Variants in RNF146 observed in about 807,000 individuals in gnomAD.
RNF146 encodes the protein E3 ubiquitin-protein ligase RNF146.
In RNF146, 11 loss-of-function variants were observed where a neutral mutation model predicts 29.7. The ratio of observed to expected loss-of-function variants is 0.37; its 90% CI spans 0.23 to 0.61. The LOEUF (loss-of-function observed/expected upper bound fraction) is 0.61. Ranked by LOEUF, RNF146 falls within the 20% of genes least tolerant of loss-of-function variation. RNF146 has a pLI of 0.66. For synonymous variants in RNF146, 150 were observed against 159.7 expected (o/e 0.94, Z 0.46); for missense variants, 342 against 438.9 (o/e 0.78, Z 1.97).
intron 2 of RNF146, among the ~76,000 whole-genome samples, chr6:127,281,163 C>T (rs1460783156): frequency 6.6e-6 from 1 of 151,304 alleles, no homozygotes; most frequent in African/African-American, 2.4e-5. Context: ...TATGTATTAA[C>T]AATAATTAAT....
chr6:127,287,331 A>G lies in RNF146; in HGVS notation c.718A>G (p.Ser240Gly), dbSNP rs763075186. 1.9e-5 allele frequency: 31 copies of G among 1,613,498 alleles called. No homozygotes were observed. In the East Asian group the frequency reaches 3.1e-4, roughly 16 times the overall value. ...CCCTGCAACACCATCCCCTGATGCA[A>G]GCACTTCTCTGGAAGACTCTTTTGC... ...TSPATPSPDA[S>G]TSLEDSFAHL... Residue 240 changes from serine to glycine, a missense_variant, in exon 3 of 3, where the codon AGC (serine) becomes GGC (glycine). By Grantham distance (56) the Ser-to-Gly change is moderately conservative. Around this residue, in one of 6 missense-constraint regions of RNF146, gnomAD observed 196 missense variants for 208.9 expected, o/e 0.94. Coordinates refer to ENST00000368314, the MANE Select transcript of RNF146 (RefSeq NM_001242850.2).
At chr6:127,280,134 C>T in intron 1 of RNF146, 97 bp from the exon 2 acceptor site, 1 of 540,544 alleles carries the variant, frequency 1.8e-6, no homozygotes, top group Non-Finnish European at 3.3e-6. Context: ...TTAATTTTTC[C>T]CACTTTTAAG....
Position 127,286,421 on chromosome 6 carries a change from T to G in RNF146, c.3-195T>G. 1.5e-6 allele frequency: 1 copy of G among 676,692 alleles called. No individual in the cohort carries two copies. The highest frequency in any genetic ancestry group is 2.4e-6 in the Non-Finnish European group (1 of 418,014). 41.9% of individuals were successfully genotyped at this position (676,692 alleles called of 1,614,324 possible). ...GGAATTTTTATACATTCCCAAGGTA[T>G]GTACAAGTAGATGCTTACAAAAAAT... On this transcript the variant is annotated intron_variant, in intron 2 of 2. Coordinates refer to ENST00000368314, the MANE Select transcript of RNF146 (RefSeq NM_001242850.2). The surrounding 1 kb of genome is among the most constrained non-coding windows in gnomAD (Gnocchi z 4.6).
Position 127,286,400 on chromosome 6 carries a change from T to C in RNF146, c.3-216T>C, listed in dbSNP as rs550854283. ...TGATCTGTTAAGTGCACTGATGGAA[T>C]TTTTATACATTCCCAAGGTATGTAC... is the stretch of plus-strand genomic sequence containing the variant. On this transcript the variant is annotated intron_variant, in intron 2 of 2. Coordinates refer to ENST00000368314, the MANE Select transcript of RNF146 (RefSeq NM_001242850.2). The surrounding 1 kb of genome is among the most constrained non-coding windows in gnomAD (Gnocchi z 4.6). The C allele has an allele frequency of 1.2e-5, 8 of 645,522 alleles. No individual in the cohort carries two copies. Among genetic ancestry groups the C allele is most frequent in the Non-Finnish European group, 2.0e-5 (8 of 397,754 alleles). The allele number at this position is 645,522 out of a possible 1,614,324, so 40.0% of individuals were successfully genotyped here. A position where few individuals can be genotyped will look rare whatever the true frequency, so the allele number is the denominator to read the frequency against.
At chr6:127,268,189 G>C (rs1432468995) in intron 1 of RNF146, among the ~76,000 whole-genome samples, 1 of 152,146 alleles carries the variant, frequency 6.6e-6, no homozygotes, top group Non-Finnish European at 1.5e-5. Context: ...TGGCATTTCA[G>C]GTAGTGGGCA....
Position 127,286,438 on chromosome 6 carries a change from A to C in RNF146, c.3-178A>C. 1.4e-6 allele frequency: 1 copy of C among 732,588 alleles called. No homozygotes were observed. Among genetic ancestry groups the C allele is most frequent in the Non-Finnish European group, 2.1e-6 (1 of 465,794 alleles). 45.4% of individuals were successfully genotyped at this position (732,588 alleles called of 1,614,324 possible). A position where few individuals can be genotyped will look rare whatever the true frequency, so the allele number is the denominator to read the frequency against. ...CCAAGGTATGTACAAGTAGATGCTTACAAAAAATTTTCATCGGTTGGAGAG... is the reference window on the plus strand; with the variant it reads ...CCAAGGTATGTACAAGTAGATGCTTCCAAAAAATTTTCATCGGTTGGAGAG... On this transcript the variant is annotated intron_variant, in intron 2 of 2. Coordinates refer to ENST00000368314, the MANE Select transcript of RNF146 (RefSeq NM_001242850.2). The surrounding 1 kb of genome is among the most constrained non-coding windows in gnomAD (Gnocchi z 4.6).
chr6:127,274,397 A>T (rs966872524), intron 1 of RNF146, among the ~76,000 whole-genome samples: 1 of 152,126 alleles, frequency 6.6e-6, no homozygotes. Flanking sequence ...TGTTTCAGAG[A>T]TAAAATATTT....
rs117480106 is a variant in RNF146 at position 127,285,300 on chromosome 6, T to C, written c.3-1316T>C. The C allele has an allele frequency of 4.7e-4, 466 of 985,040 alleles. 3 individuals carry two copies. The East Asian group carries it at 0.034, about 71-fold the overall frequency. 61.0% of individuals were successfully genotyped at this position (985,040 alleles called of 1,614,324 possible). On this transcript the variant is annotated intron_variant, in intron 2 of 2. Transcript: ENST00000368314. ...AAAAAAGGATTGTTTGAAGATTGAA[T>C]GTGCTGTGATGATAGCCTAGGATTA...
At position 127,286,763 on chromosome 6, in the gene RNF146, G is replaced by T. The variant is rs1361908131; in HGVS notation, c.150G>T (p.Leu50=). The change falls in exon 3 of 3, where the codon CTG becomes CTT. Residue 50 remains leucine (L), a synonymous_variant. Transcript: ENST00000368314. The surrounding 1 kb of genome is among the most constrained non-coding windows in gnomAD (Gnocchi z 4.6). ...CLQTCVHPVS[L]PCKHVFCYLC... ...AAACATGTGTTCATCCAGTCAGTCT[G>T]CCCTGTAAGCACGTTTTCTGCTATC... The T allele has an allele frequency of 6.2e-7, 1 of 1,613,316 alleles. No homozygotes were observed. Among genetic ancestry groups the T allele is most frequent in the Admixed American group, 1.7e-5 (1 of 59,914 alleles).
chr6:127,285,207 G>C, intron 2 of RNF146: 1 of 984,882 alleles, frequency 1.0e-6, no homozygotes, highest in Non-Finnish European at 1.2e-6. Flanking sequence ...TCCTTTACTA[G>C]AAAATTGCCA....
rs1778759354 is a variant in RNF146, at chr6:127,280,278, G to A, written c.-61G>A. The A allele has an allele frequency of 6.5e-7, 1 of 1,527,252 alleles. No homozygotes were observed. Among genetic ancestry groups the A allele is most frequent in the Admixed American group, 2.0e-5 (1 of 50,828 alleles). 94.6% of individuals were successfully genotyped at this position (1,527,252 alleles called of 1,614,324 possible). A position where few individuals can be genotyped will look rare whatever the true frequency, so the allele number is the denominator to read the frequency against. On this transcript the variant is annotated 5_prime_UTR_variant, in exon 2 of 3. Coordinates refer to ENST00000368314, the MANE Select transcript of RNF146 (RefSeq NM_001242850.2). ...GAAGAGAAAATACTGTAAGCTGGCT[G>A]ACTGCTGGTGAAGAAAATGCTTTAT...
chr6:127,272,538 G>A (rs991789772), intron 1 of RNF146, among the ~76,000 whole-genome samples: 1 of 152,192 alleles, frequency 6.6e-6, no homozygotes. Context: ...TAGGGCTGCT[G>A]TAGGATTCCT....
Position 127,287,236 on chromosome 6 carries a change from G to C in RNF146, c.623G>C (p.Ser208Thr), listed in dbSNP as rs1273736610. The C allele has an allele frequency of 6.2e-7, 1 of 1,613,294 alleles. No homozygotes were observed. The highest frequency in any genetic ancestry group is 1.3e-5 in the African/African-American group (1 of 74,846). The change falls in exon 3 of 3, where the codon AGT becomes ACT. Residue 208 changes from serine (S) to threonine (T), a missense_variant. Around this residue, in one of 6 missense-constraint regions of RNF146, gnomAD observed 196 missense variants for 208.9 expected, o/e 0.94. Coordinates refer to ENST00000368314, the MANE Select transcript of RNF146 (RefSeq NM_001242850.2). ...GGAGCGGACAGTGTATCAGCACAGA[G>C]TGGAGCTTCTGTTCAGCCCCTAGTG... ...ADGADSVSAQ[S>T]GASVQPLVSS...
chr6:127,284,656 G>A (rs1364642194), intron 2 of RNF146, among the ~76,000 whole-genome samples: 5 of 151,834 alleles, frequency 3.3e-5, no homozygotes, highest in Non-Finnish European at 7.4e-5. Flanking sequence ...AAAAACATAT[G>A]CCTTCTTTTG....
chr6:127,283,706 T>C (rs1779183238), intron 2 of RNF146, among the ~76,000 whole-genome samples: 1 of 151,848 alleles, frequency 6.6e-6, no homozygotes, highest in South Asian at 2.1e-4. Context: ...TTCTGCCCAT[T>C]TGTTAGTTGG....
chr6:127,273,513 A>G (rs1378273261), intron 1 of RNF146, among the ~76,000 whole-genome samples: 1 of 152,078 alleles, frequency 6.6e-6, no homozygotes. Flanking sequence ...TGATGTTTCA[A>G]GACTACATGA....
At chr6:127,280,425 A>C in intron 2 of RNF146, 85 bp downstream of exon 2, 1 of 1,457,974 alleles carries the variant, frequency 6.9e-7, no homozygotes, top group Non-Finnish European at 9.3e-7. Flanking sequence ...TATCTGTCAT[A>C]TGTAGTTTTA....
chr6:127,271,139 T>G (rs79425241), intron 1 of RNF146, among the ~76,000 whole-genome samples: 3,798 of 152,278 alleles, frequency 0.025, 64 homozygotes, highest in East Asian at 0.099. Context: ...AAATAATGTT[T>G]TCTTTTTTTT....
In RNF146 at chr6:127,286,447, T is replaced by G; in HGVS notation, c.3-169T>G. On this transcript the variant is annotated intron_variant, in intron 2 of 2. Coordinates refer to ENST00000368314, the MANE Select transcript of RNF146 (RefSeq NM_001242850.2). The surrounding 1 kb of genome is among the most constrained non-coding windows in gnomAD (Gnocchi z 4.6). The stretch of plus-strand genomic sequence containing the variant: ...GTACAAGTAGATGCTTACAAAAAAT[T>G]TTCATCGGTTGGAGAGTTTTTCCTC... 1.3e-6 allele frequency: 1 copy of G among 770,660 alleles called. No individual in the cohort carries two copies. The highest frequency in any genetic ancestry group is 2.0e-6 in the Non-Finnish European group (1 of 500,756). 47.7% of individuals were successfully genotyped at this position (770,660 alleles called of 1,614,324 possible).
Sources: gnomAD v4.1 joint callset for allele counts (sites outside exome capture counted in the v4.1 genomes callset) on GRCh38, gnomAD v4.1.1 for gene constraint, gnomAD v4.1.1 regional missense constraint, Gnocchi (gnomAD v3.1) non-coding constraint, MANE v1.5 for transcripts, NCBI Gene and HGNC (gene_info 2026-07-23, HGNC 2026-07-21) for gene names.